The following IPCEF1 variants were observed in gnomAD, a reference collection of about 807,000 sequenced individuals.
IPCEF1 encodes the protein interactor protein for cytohesin exchange factors 1.
Under a neutral mutation model 50.9 loss-of-function variants are expected in IPCEF1, and 31 were observed. The observed-to-expected ratio is 0.61, with a 90% CI of 0.46 to 0.82. The LOEUF (loss-of-function observed/expected upper bound fraction) is 0.82, where lower values mean the gene tolerates loss of function less well. Ranked by LOEUF, IPCEF1 falls within the 40% of genes least tolerant of loss-of-function variation. The pLI is 0.00. For missense variants in IPCEF1, 458 were observed against 514.0 expected (o/e 0.89, Z 1.05); for synonymous variants, 181 against 192.0 (o/e 0.94, Z 0.47).
intron 2 of IPCEF1, 53 bp downstream of exon 2, chr6:154,289,660 A>G (rs1257147566): frequency 6.6e-6 from 1 of 152,068 alleles, no homozygotes; most frequent in African/African-American, 2.4e-5. Flanking sequence ...TTTTCAAGTC[A>G]TAAATATCAC....
chr6:154,259,100 A>G (rs1184872841), intron 3 of IPCEF1, among the ~76,000 whole-genome samples: 2 of 152,240 alleles, frequency 1.3e-5, no homozygotes, highest in African/African-American at 4.8e-5. Context: ...AGCAAAGTTA[A>G]GCAACACAAA....
intron 5 of IPCEF1, among the ~76,000 whole-genome samples, chr6:154,226,012 T>C (rs934186341): frequency 4.6e-5 from 7 of 152,248 alleles, no homozygotes; most frequent in Admixed American, 2.6e-4. Context: ...TGTGGCCTTT[T>C]TGACAACACA....
At chr6:154,301,298 C>G (rs1399966292) in intron 1 of IPCEF1, among the ~76,000 whole-genome samples, 2 of 152,100 alleles carry the variant, frequency 1.3e-5, no homozygotes, top group African/African-American at 4.8e-5. Context: ...TTACGTGGAT[C>G]GTCATCTCCT....
In IPCEF1 at chr6:154,159,082, T is replaced by A. The variant is rs1798828724; in HGVS notation, c.*746A>T. 1 of 152,146 alleles carries A rather than the reference T, an allele frequency of 6.6e-6. No homozygotes were observed. Among genetic ancestry groups the A allele is most frequent in the African/African-American group, 2.4e-5 (1 of 41,414 alleles). The allele number at this position is 152,146 out of a possible 1,614,324, so 9.4% of individuals were successfully genotyped here. A position where few individuals can be genotyped will look rare whatever the true frequency, so the allele number is the denominator to read the frequency against. ...CATATTCCTATCTCCTACCATTGAGTAGGAAAGCTCAAAGGAAGTAGAGGT... is the reference window on the plus strand; with the variant it reads ...CATATTCCTATCTCCTACCATTGAGAAGGAAAGCTCAAAGGAAGTAGAGGT... On this transcript the variant is annotated 3_prime_UTR_variant, in exon 12 of 12. Coordinates refer to ENST00000367220, the MANE Select transcript of IPCEF1 (RefSeq NM_001130700.2).
intron 9 of IPCEF1, among the ~76,000 whole-genome samples, chr6:154,202,373 A>G (rs1266526207): frequency 1.3e-5 from 2 of 152,172 alleles, no homozygotes; most frequent in African/African-American, 4.8e-5. Flanking sequence ...TATCTAGAGG[A>G]GGGAATGCAC....
At chr6:154,279,913 C>A (rs1291946527) in intron 2 of IPCEF1, among the ~76,000 whole-genome samples, 7 of 152,140 alleles carry the variant, frequency 4.6e-5, no homozygotes, top group African/African-American at 1.7e-4. Context: ...ATAGGAGAGA[C>A]ACCAATCATT....
In IPCEF1 at chr6:154,281,801, G is replaced by A. The variant is rs181858738; in HGVS notation, c.-18+7912C>T. 2.4e-3 allele frequency among the ~76,000 whole-genome samples: 368 copies of A among 152,188 alleles called. 1 individual carries two copies. The highest frequency in any genetic ancestry group is 8.5e-3 in the African/African-American group (355 of 41,536). On this transcript the variant is annotated intron_variant, in intron 2 of 11. Coordinates refer to ENST00000367220, the MANE Select transcript of IPCEF1 (RefSeq NM_001130700.2). ...GTGGATCACCTGAGGTTAGGAGTTC[G>A]AGACCAGCCTGGCCAACATGGTGAA... is the stretch of plus-strand genomic sequence containing the variant.
At chr6:154,349,858 A>G (rs1021588112) in intron 1 of IPCEF1, among the ~76,000 whole-genome samples, 1 of 152,222 alleles carries the variant, frequency 6.6e-6, no homozygotes, top group African/African-American at 2.4e-5. Flanking sequence ...AGAGGAGGAG[A>G]AAAAAGATAT....
chr6:154,173,205 A>G (rs1800018994), intron 10 of IPCEF1, among the ~76,000 whole-genome samples: 1 of 152,182 alleles, frequency 6.6e-6, no homozygotes, highest in Non-Finnish European at 1.5e-5. Flanking sequence ...AACCTCAAAA[A>G]TGGGGAGAAA....
intron 2 of IPCEF1, among the ~76,000 whole-genome samples, chr6:154,278,247 A>G (rs773475771): frequency 6.6e-6 from 1 of 150,916 alleles, no homozygotes; most frequent in Non-Finnish European, 1.5e-5. Flanking sequence ...GCACCACTTC[A>G]TGGGATTTTA....
At chr6:154,310,204 C>T (rs1022480595) in intron 1 of IPCEF1, among the ~76,000 whole-genome samples, 1 of 152,292 alleles carries the variant, frequency 6.6e-6, no homozygotes, top group South Asian at 2.1e-4. Flanking sequence ...AATCAAGATG[C>T]CCACATCAAA....
chr6:154,262,769 CTTTTTTTT>C (rs138504583), intron 3 of IPCEF1, among the ~76,000 whole-genome samples: 3 of 97,724 alleles, frequency 3.1e-5, no homozygotes, highest in East Asian at 3.5e-4. Flanking sequence ...GCTTATAATC[CTTTTTTTT>C]TTTTTTTTTT....
At chr6:154,330,868 T>A (rs1053980706) in intron 1 of IPCEF1, among the ~76,000 whole-genome samples, 2 of 152,110 alleles carry the variant, frequency 1.3e-5, no homozygotes, top group Non-Finnish European at 2.9e-5. Flanking sequence ...GGCAAAACCT[T>A]AACAAAGGAA....
At chr6:154,167,827 A>C (rs1249516831) in intron 11 of IPCEF1, 93 bp downstream of exon 11, 4 of 954,742 alleles carry the variant, frequency 4.2e-6, no homozygotes, top group South Asian at 3.9e-5. Context: ...GCAACCACAC[A>C]AACATGCTGT....
chr6:154,291,859 GT>G (rs1000830520), intron 1 of IPCEF1, among the ~76,000 whole-genome samples: 1 of 151,616 alleles, frequency 6.6e-6, no homozygotes, highest in Non-Finnish European at 1.5e-5. Flanking sequence ...TAATTTTTGT[GT>G]TTTTAGTAGA....
chr6:154,315,136 G>C (rs1449184623), intron 1 of IPCEF1, among the ~76,000 whole-genome samples: 2 of 152,142 alleles, frequency 1.3e-5, no homozygotes, highest in Non-Finnish European at 2.9e-5. Flanking sequence ...GCCCGCCTTG[G>C]CTTCCCAAAG....
At chr6:154,210,241 C>A (rs1583806947) in intron 9 of IPCEF1, among the ~76,000 whole-genome samples, 2 of 152,156 alleles carry the variant, frequency 1.3e-5, no homozygotes, top group East Asian at 3.9e-4. Flanking sequence ...AGCAAAGTAA[C>A]CTGAGATACT....
intron 1 of IPCEF1, among the ~76,000 whole-genome samples, chr6:154,321,688 G>A (rs909141033): frequency 2.7e-5 from 4 of 149,356 alleles, no homozygotes; most frequent in African/African-American, 9.8e-5. Context: ...GCTGAGGCAG[G>A]AGAATTGCTT....
intron 3 of IPCEF1, among the ~76,000 whole-genome samples, chr6:154,253,096 TG>T (rs1179189083): frequency 9.9e-5 from 15 of 152,230 alleles, no homozygotes; most frequent in Non-Finnish European, 2.1e-4. Flanking sequence ...TTAAGTATAC[TG>T]TTATCTCTCT....
Sources: allele counts gnomAD v4.1 joint callset (sites outside exome capture counted in the v4.1 genomes callset), GRCh38; gene constraint gnomAD v4.1.1; transcripts MANE v1.5; gene names NCBI Gene and HGNC (gene_info 2026-07-23, HGNC 2026-07-21).